The following CENPO variants were observed in gnomAD, a reference collection of about 807,000 sequenced individuals.
CENPO encodes centromeric protein O.
Under a neutral mutation model 36.1 loss-of-function variants are expected in CENPO, and 30 were observed. The ratio of observed to expected loss-of-function variants is 0.83; its 90% confidence interval spans 0.62 to 1.13. The LOEUF (loss-of-function observed/expected upper bound fraction) is 1.13, where lower values mean the gene tolerates loss of function less well. CENPO is among the 50% of genes most tolerant of loss of function. The pLI, the probability that CENPO is intolerant of heterozygous loss-of-function variation, is 0.00. For missense variants in CENPO, 349 were observed against 357.8 expected (o/e 0.98, Z 0.20); for synonymous variants, 171 against 142.3 (o/e 1.20, Z -1.44).
chr2:24,804,281 G>A (rs12620885), intron 3 of CENPO, among the ~76,000 whole-genome samples: 64,156 of 151,724 alleles, frequency 0.42, 15,602 homozygotes, highest in East Asian at 0.6. Context: ...TGACTATCCA[G>A]TTTGCCAGTC....
chr2:24,809,976 A>C (rs1666601524), intron 3 of CENPO, among the ~76,000 whole-genome samples: 1 of 150,948 alleles, frequency 6.6e-6, no homozygotes, highest in Admixed American at 6.6e-5. Flanking sequence ...TGAACCTGGG[A>C]GGCGGGGGTT....
At chr2:24,799,500 A>T (rs1666065892) in intron 2 of CENPO, among the ~76,000 whole-genome samples, 175 bp from the exon 3 acceptor site, 1 of 151,874 alleles carries the variant, frequency 6.6e-6, no homozygotes, top group Admixed American at 6.6e-5. Context: ...ATGATCTTTG[A>T]TTTCAATTGT....
intron 3 of CENPO, among the ~76,000 whole-genome samples, chr2:24,805,663 G>C (rs1387214300): frequency 6.6e-6 from 1 of 152,196 alleles, no homozygotes; most frequent in Non-Finnish European, 1.5e-5. Context: ...AGCAAATGCT[G>C]CTGCCTGATC....
rs778026957 is a variant in CENPO, at chr2:24,793,941, C to T, written c.22C>T (p.Arg8Cys). 3.1e-6 allele frequency: 5 copies of T among 1,613,998 alleles called. No homozygotes were observed. The highest frequency in any genetic ancestry group is 4.2e-6 in the Non-Finnish European group (5 of 1,179,958). MEQANPL[R>C]PDGESKGGVL... is the part of the protein sequence containing the mutation. ...TGAGATGGAGCAGGCGAACCCTTTA[C>T]GTCCAGATGGCGAGTCCAAAGGAGG... Residue 8 changes from arginine to cysteine, a missense_variant, in exon 2 of 8, where the codon CGT becomes TGT. Transcript: ENST00000380834.
chr2:24,800,573 G>A (rs59911983), intron 3 of CENPO, among the ~76,000 whole-genome samples: 25,114 of 149,080 alleles, frequency 0.17, 2,439 homozygotes, highest in Non-Finnish European at 0.23. Flanking sequence ...GAGAACATGC[G>A]GTGTTTGGTT....
chr2:24,801,955 A>C (rs529185482), intron 3 of CENPO, among the ~76,000 whole-genome samples: 1 of 152,344 alleles, frequency 6.6e-6, no homozygotes, highest in South Asian at 2.1e-4. Flanking sequence ...CTTCCTATCC[A>C]TGAGCATGGA....
In CENPO at chr2:24,817,909, C is replaced by T; in HGVS notation, c.*35+68C>T. ...GTCTGATGAAGGGTACATCACCCTT[C>T]TGATGAAAACAGACACCTACCTGTT... is the stretch of plus-strand genomic sequence containing the variant. On this transcript the variant is annotated intron_variant, in intron 7 of 7. Transcript: ENST00000380834. 4 of 1,312,614 alleles carry T rather than the reference C, an allele frequency of 3.0e-6. No homozygotes were observed. The South Asian group carries it at 5.5e-5, about 18-fold the overall frequency. 81.3% of individuals were successfully genotyped at this position (1,312,614 alleles called of 1,614,324 possible).
intron 3 of CENPO, among the ~76,000 whole-genome samples, chr2:24,804,218 G>C (rs1196414919): frequency 6.6e-6 from 1 of 152,028 alleles, no homozygotes; most frequent in Non-Finnish European, 1.5e-5. Context: ...TTGAGCCTAA[G>C]TGTGTCTCTG....
rs1667564596 is a variant in CENPO at position 24,820,960 on chromosome 2, T to C, written c.*1642T>C. The C allele has an allele frequency of 2.1e-6, 3 of 1,446,754 alleles. No individual in the cohort carries two copies. Among genetic ancestry groups the C allele is most frequent in the African/African-American group, 1.4e-5 (1 of 70,550 alleles). The allele number at this position is 1,446,754 out of a possible 1,614,324, so 89.6% of individuals were successfully genotyped here. Reference sequence around the variant, plus strand: ...ACAAAGCTCCTAATGTAACACATCATTGTCCTCATTCAACTTGGCTGTATG... The same window carrying C: ...ACAAAGCTCCTAATGTAACACATCACTGTCCTCATTCAACTTGGCTGTATG... On this transcript the variant is annotated 3_prime_UTR_variant, in exon 8 of 8. Transcript: ENST00000380834.
At chr2:24,800,305 C>T (rs1278164017) in intron 3 of CENPO, among the ~76,000 whole-genome samples, 1 of 152,188 alleles carries the variant, frequency 6.6e-6, no homozygotes, top group Non-Finnish European at 1.5e-5. Flanking sequence ...GGTAGAGTTA[C>T]AGTGAATATC....
At chr2:24,814,698 G>T in intron 4 of CENPO, 1 of 552,312 alleles carries the variant, frequency 1.8e-6, no homozygotes. Flanking sequence ...AAGATTGACT[G>T]GCCCCTTTGT....
intron 3 of CENPO, among the ~76,000 whole-genome samples, chr2:24,803,785 C>T (rs1297279266): frequency 6.6e-6 from 1 of 151,994 alleles, no homozygotes; most frequent in African/African-American, 2.4e-5. Flanking sequence ...TGGTGTGGTG[C>T]TGAAAAAAAT....
chr2:24,793,776 G>C (rs1665746124), intron 1 of CENPO, 76 bp from the exon 2 acceptor site: 1 of 1,158,598 alleles, frequency 8.6e-7, no homozygotes, highest in African/African-American at 1.5e-5. Context: ...GGTTGTGCCT[G>C]AGTGGTGTGT....
chr2:24,819,073 C>G (rs536650060), intron 7 of CENPO: 10 of 152,752 alleles, frequency 6.5e-5, no homozygotes, highest in Admixed American at 5.2e-4. Context: ...CCTTCAAGCT[C>G]TTGCCTTCCA....
rs142510036 is a variant in CENPO, at chr2:24,819,977, A to G, written c.*659A>G. On this transcript the variant is annotated 3_prime_UTR_variant, in exon 8 of 8. Coordinates refer to ENST00000380834, the MANE Select transcript of CENPO (RefSeq NM_001322101.2). The stretch of plus-strand genomic sequence containing the variant: ...GGTGGGGCAGTGTGACAGAGGGGCC[A>G]TTGGGGAAGGTGGCTAGCTTATCCC... 1.7e-4 allele frequency: 275 copies of G among 1,613,724 alleles called. 1 individual carries two copies. The African/African-American group carries it at 3.0e-3, about 18-fold the overall frequency.
At chr2:24,816,574 T>C (rs1041389013) in intron 5 of CENPO, 72 bp from the exon 6 acceptor site, 69 of 1,075,268 alleles carry the variant, frequency 6.4e-5, no homozygotes, top group Non-Finnish European at 8.5e-5. Context: ...TTGACGTAAT[T>C]GAAGGGTCAG....
intron 3 of CENPO, among the ~76,000 whole-genome samples, chr2:24,811,096 A>ACCACGG (rs1478303495): frequency 4.6e-5 from 7 of 150,614 alleles, no homozygotes; most frequent in African/African-American, 1.7e-4. Flanking sequence ...GACGTGCACC[A>ACCACGG]CCACGCCTGG....
chr2:24,809,110 T>G (rs1409275289), intron 3 of CENPO, among the ~76,000 whole-genome samples: 1 of 152,208 alleles, frequency 6.6e-6, no homozygotes, highest in Non-Finnish European at 1.5e-5. Flanking sequence ...TTATGTAAAC[T>G]CTCACATTTA....
In CENPO at chr2:24,815,971, T is replaced by A. The variant is rs1340336735; in HGVS notation, c.594+215T>A. 19 of 560,994 alleles carry A rather than the reference T, an allele frequency of 3.4e-5. No individual in the cohort carries two copies. In the Admixed American group the frequency reaches 5.9e-4, roughly 18 times the overall value. 34.8% of individuals were successfully genotyped at this position (560,994 alleles called of 1,614,324 possible). ...GAAGCCTGGGTACTGGTTAAAGGAT[T>A]ATGCACCCCTGAATGGTGGTCTTCA... is the stretch of plus-strand genomic sequence containing the variant. On this transcript the variant is annotated intron_variant, in intron 5 of 7. Coordinates refer to ENST00000380834, the MANE Select transcript of CENPO (RefSeq NM_001322101.2).
Sources: allele counts gnomAD v4.1 joint callset (sites outside exome capture counted in the v4.1 genomes callset), GRCh38; gene constraint gnomAD v4.1.1; transcripts MANE v1.5; gene names NCBI Gene and HGNC (gene_info 2026-07-23, HGNC 2026-07-21).